The following SNAP91 variants were observed in gnomAD, a reference collection of about 807,000 sequenced individuals.
SNAP91 encodes the protein synaptosome associated protein 91.
A neutral mutation model predicts 100.3 loss-of-function variants in SNAP91; 27 were observed. The ratio of observed to expected loss-of-function variants is 0.27; its 90% CI spans 0.20 to 0.37. The LOEUF is 0.37. SNAP91 is among the 10% of genes least tolerant of loss of function. The pLI is 1.00. For synonymous variants in SNAP91, 404 were observed against 398.6 expected (o/e 1.01, Z -0.16); for missense variants, 986 against 1,123.7 (o/e 0.88, Z 1.75).
At chr6:83,642,562 G>A (rs1271037627) in intron 7 of SNAP91, among the ~76,000 whole-genome samples, 1 of 152,152 alleles carries the variant, frequency 6.6e-6, no homozygotes, top group Non-Finnish European at 1.5e-5. Flanking sequence ...GTGTATATGT[G>A]CCACATTTTC....
intron 2 of SNAP91, among the ~76,000 whole-genome samples, chr6:83,667,403 C>G (rs971870841): frequency 1.3e-5 from 2 of 151,946 alleles, no homozygotes; most frequent in Admixed American, 6.6e-5. Context: ...TATATGCAAA[C>G]AGGTTGATTA....
rs1054323887 is a variant in SNAP91, at chr6:83,570,559, G to C, written c.2442+4451C>G. Among the ~76,000 whole-genome samples the C allele has an allele frequency of 3.5e-4, 49 of 139,730 alleles. 1 individual carries two copies. Among genetic ancestry groups the C allele is most frequent in the African/African-American group, 7.7e-4 (29 of 37,580 alleles). The allele number at this position is 139,730 out of a possible 152,430, so 91.7% of individuals were successfully genotyped here. ...GACCTGGAGGTTTACGGGGTGGCGG[G>C]GGGGGAAGTGGTTTCATGGGCTGGG... On this transcript the variant is annotated intron_variant, in intron 26 of 29. Coordinates refer to ENST00000369694, the MANE Select transcript of SNAP91 (RefSeq NM_001242792.2).
chr6:83,691,207 A>C (rs1233722426), intron 2 of SNAP91, among the ~76,000 whole-genome samples: 1 of 152,142 alleles, frequency 6.6e-6, no homozygotes, highest in Non-Finnish European at 1.5e-5. Flanking sequence ...TAGTTTATTA[A>C]ATGTTATAAA....
intron 2 of SNAP91, among the ~76,000 whole-genome samples, chr6:83,678,156 T>G (rs1181062759): frequency 3.3e-5 from 5 of 152,172 alleles, no homozygotes; most frequent in Non-Finnish European, 5.9e-5. Context: ...TTTTTTCTTT[T>G]TCAAAGAATC....
chr6:83,640,684 T>C (rs1222170301), intron 8 of SNAP91, among the ~76,000 whole-genome samples: 1 of 152,154 alleles, frequency 6.6e-6, no homozygotes, highest in African/African-American at 2.4e-5. Context: ...GTAAGAAAGG[T>C]AAGAATTTAT....
At chr6:83,666,265 C>A (rs982210874) in intron 2 of SNAP91, among the ~76,000 whole-genome samples, 31 of 151,960 alleles carry the variant, frequency 2.0e-4, no homozygotes, top group African/African-American at 7.5e-4. Flanking sequence ...ATCTACTGGC[C>A]AACAGGGAGT....
At chr6:83,690,632 T>C (rs530084991) in intron 2 of SNAP91, among the ~76,000 whole-genome samples, 2 of 152,106 alleles carry the variant, frequency 1.3e-5, no homozygotes, top group South Asian at 4.1e-4. Flanking sequence ...GAATAATGAA[T>C]CTTTAGCTCA....
At chr6:83,638,528 A>T (rs978753770) in intron 8 of SNAP91, among the ~76,000 whole-genome samples, 2 of 152,092 alleles carry the variant, frequency 1.3e-5, no homozygotes, top group African/African-American at 4.8e-5. Flanking sequence ...ACTTTAGATG[A>T]TCCATTTAAA....
chr6:83,572,904 T>C (rs959176557), intron 26 of SNAP91, among the ~76,000 whole-genome samples: 6 of 152,192 alleles, frequency 3.9e-5, no homozygotes, highest in Admixed American at 3.9e-4. Context: ...TTTCTTCCTT[T>C]GGGAATTTTA....
At chr6:83,593,876 T>G (rs1283409953) in intron 17 of SNAP91, 135 bp from the exon 18 acceptor site, 2 of 1,337,062 alleles carry the variant, frequency 1.5e-6, no homozygotes, top group Non-Finnish European at 2.0e-6. Context: ...TGGATTTAAC[T>G]ACTATCCTAC....
intron 2 of SNAP91, among the ~76,000 whole-genome samples, chr6:83,667,798 A>C (rs571744435): frequency 1.3e-5 from 2 of 152,332 alleles, no homozygotes; most frequent in Middle Eastern, 3.4e-3. Flanking sequence ...AAACACCAAA[A>C]GCAACGGCAA....
Position 83,566,774 on chromosome 6 carries a change from C to T in SNAP91, c.2443-5827G>A, listed in dbSNP as rs535780718. 1.8e-3 allele frequency among the ~76,000 whole-genome samples: 277 copies of T among 152,196 alleles called. 2 individuals carry two copies. The highest frequency in any genetic ancestry group is 6.5e-3 in the African/African-American group (269 of 41,530). On this transcript the variant is annotated intron_variant, in intron 26 of 29. Transcript: ENST00000369694. ...GACTTTACCAATCAGAAATTGCCAA[C>T]GAACAGATTCTAACTGGAGACTTTA...
intron 8 of SNAP91, 132 bp from the exon 9 acceptor site, chr6:83,623,474 C>G (rs1270186419): frequency 1.5e-6 from 1 of 658,192 alleles, no homozygotes; most frequent in Admixed American, 2.4e-5. Flanking sequence ...GTATCACTCT[C>G]ACTTGGAACA....
intron 2 of SNAP91, among the ~76,000 whole-genome samples, chr6:83,682,172 CTTTTTT>C (rs59549595): frequency 9.7e-5 from 12 of 123,498 alleles, no homozygotes; most frequent in Non-Finnish European, 1.8e-4. Flanking sequence ...TTCTTTAATT[CTTTTTT>C]TTTTTTTTTT....
At chr6:83,702,726 A>C (rs1349941051) in intron 2 of SNAP91, among the ~76,000 whole-genome samples, 2 of 152,148 alleles carry the variant, frequency 1.3e-5, no homozygotes, top group East Asian at 3.8e-4. Context: ...AAAAAAATCT[A>C]AAGTGACCCA....
intron 2 of SNAP91, among the ~76,000 whole-genome samples, chr6:83,691,096 A>G (rs1167001570): frequency 6.6e-6 from 1 of 152,064 alleles, no homozygotes; most frequent in Non-Finnish European, 1.5e-5. Flanking sequence ...AACACATATG[A>G]AATGTTTAAA....
At chr6:83,700,300 T>C (rs1183963956) in intron 2 of SNAP91, among the ~76,000 whole-genome samples, 2 of 151,864 alleles carry the variant, frequency 1.3e-5, no homozygotes, top group Admixed American at 6.6e-5. Context: ...GAAAAACTGA[T>C]ACAATTAAAA....
chr6:83,579,337 G>A (rs1472073052), intron 24 of SNAP91, among the ~76,000 whole-genome samples: 4 of 152,232 alleles, frequency 2.6e-5, no homozygotes, highest in South Asian at 2.1e-4. Flanking sequence ...ATACATTATA[G>A]TATGCAGAGA....
intron 2 of SNAP91, among the ~76,000 whole-genome samples, chr6:83,703,490 C>A (rs940486922): frequency 2.6e-5 from 4 of 152,078 alleles, no homozygotes; most frequent in Non-Finnish European, 5.9e-5. Context: ...AATTTTCGTT[C>A]TATTTTTACT....
Sources: allele counts gnomAD v4.1 joint callset (sites outside exome capture counted in the v4.1 genomes callset), GRCh38; gene constraint gnomAD v4.1.1; transcripts MANE v1.5; gene names NCBI Gene and HGNC (gene_info 2026-07-23, HGNC 2026-07-21).